SIM1: variants seen among roughly 807,000 people sequenced by gnomAD.
SIM1 encodes single-minded homolog 1.
A neutral mutation model predicts 78.2 loss-of-function variants in SIM1; 18 were observed. That is an observed-to-expected ratio of 0.23 (90% CI 0.16 to 0.34). The LOEUF is 0.34. Among genes scored for constraint, SIM1 ranks in the 10% least tolerant of loss-of-function variants. SIM1 has a pLI of 1.00. For synonymous variants in SIM1, 417 were observed against 385.2 expected, an observed-to-expected ratio of 1.08 and a Z score of -0.97; for missense variants, 939 against 975.1, an observed-to-expected ratio of 0.96 and a Z score of 0.49.
At chr6:100,418,211 G>T (rs2114500427) in intron 10 of SIM1, among the ~76,000 whole-genome samples, 1 of 151,796 alleles carries the variant, frequency 6.6e-6, no homozygotes, top group Middle Eastern at 3.4e-3. Context: ...AATTAATGGG[G>T]CACATTGTTG....
chr6:100,459,845 C>A (rs1210212187), intron 2 of SIM1, among the ~76,000 whole-genome samples: 1 of 152,202 alleles, frequency 6.6e-6, no homozygotes, highest in Non-Finnish European at 1.5e-5. Flanking sequence ...TGCTTTAGAG[C>A]TGGATAACAA....
intron 10 of SIM1, 38 bp downstream of exon 10, chr6:100,420,752 C>T: frequency 6.2e-7 from 1 of 1,604,220 alleles, no homozygotes; most frequent in African/African-American, 1.3e-5. Context: ...AACCATGTCG[C>T]CAAAAAAAAG....
chr6:100,420,835 C>G lies in SIM1; in HGVS notation c.1122G>C (p.Arg374=), dbSNP rs1445639627. Residue 374 remains arginine, a synonymous_variant, in exon 10 of 12, where the codon CGG becomes CGC. Transcript: ENST00000369208. ...MTDNRKGAKS[R]LSSSKSKSRT... ...TGGATTTTGACTTTGAGCTGGAGAG[C>G]CGGGATTTGGCCCCCTTTCTGTTGT... The G allele has an allele frequency of 1.2e-6, 2 of 1,614,064 alleles. No individual in the cohort carries two copies. The highest frequency in any genetic ancestry group is 3.3e-5 in the Admixed American group (2 of 59,996).
chr6:100,447,193 CCGTG>C, intron 9 of SIM1, 71 bp downstream of exon 9: 5 of 1,534,530 alleles, frequency 3.3e-6, no homozygotes, highest in Non-Finnish European at 4.4e-6. Flanking sequence ...TCTAACCCGG[CCGTG>C]CCGCCACCCG....
intron 10 of SIM1, among the ~76,000 whole-genome samples, chr6:100,397,303 A>G (rs887059166): frequency 6.6e-6 from 1 of 152,184 alleles, no homozygotes; most frequent in Non-Finnish European, 1.5e-5. Context: ...TAAGACCTAT[A>G]AGGTCATTAA....
intron 9 of SIM1, among the ~76,000 whole-genome samples, chr6:100,438,146 A>G (rs1772106575): frequency 6.6e-6 from 1 of 152,246 alleles, no homozygotes; most frequent in African/African-American, 2.4e-5. Flanking sequence ...CTGCGTTGCA[A>G]AAGAAACAAT....
chr6:100,419,952 T>G (rs2114502963), intron 10 of SIM1, among the ~76,000 whole-genome samples: 1 of 152,174 alleles, frequency 6.6e-6, no homozygotes, highest in South Asian at 2.1e-4. Flanking sequence ...CCAGTTTGGT[T>G]TTATACTAGC....
intron 9 of SIM1, among the ~76,000 whole-genome samples, chr6:100,431,379 T>C (rs1446912870): frequency 2.0e-5 from 3 of 152,228 alleles, no homozygotes; most frequent in Non-Finnish European, 4.4e-5. Context: ...CTTAAAGCCC[T>C]TACTACTGTA....
chr6:100,440,605 C>G (rs1772186946), intron 9 of SIM1, among the ~76,000 whole-genome samples: 1 of 152,208 alleles, frequency 6.6e-6, no homozygotes, highest in Non-Finnish European at 1.5e-5. Context: ...CTCCCTCAGG[C>G]AAGCCAGAAT....
Position 100,389,492 on chromosome 6 carries a change from G to A in SIM1, c.*869C>T, listed in dbSNP as rs1770582218. On this transcript the variant is annotated 3_prime_UTR_variant, in exon 12 of 12. Transcript: ENST00000369208. ...GGTTTTACAAGCAAACCCCAAATAT[G>A]TTGTTTACTTATGCTGAGCCCTTAA... 2.5e-6 allele frequency: 1 copy of A among 397,212 alleles called. No individual in the cohort carries two copies. The highest frequency in any genetic ancestry group is 6.3e-4 in the Middle Eastern group (1 of 1,584). 24.6% of individuals were successfully genotyped at this position (397,212 alleles called of 1,614,324 possible). A position where few individuals can be genotyped will look rare whatever the true frequency, so the allele number is the denominator to read the frequency against.
intron 10 of SIM1, among the ~76,000 whole-genome samples, chr6:100,408,107 G>T (rs1481492972): frequency 6.6e-6 from 1 of 151,974 alleles, no homozygotes; most frequent in Non-Finnish European, 1.5e-5. Context: ...AAACTATATA[G>T]TTTCAGGCCT....
intron 9 of SIM1, among the ~76,000 whole-genome samples, chr6:100,435,105 C>A (rs897295797): frequency 6.6e-6 from 1 of 152,098 alleles, no homozygotes; most frequent in Non-Finnish European, 1.5e-5. Context: ...AAGAGATGGG[C>A]TCAGGATATC....
chr6:100,457,771 T>C lies in SIM1; in HGVS notation c.176-3927A>G, dbSNP rs548176795. On this transcript the variant is annotated intron_variant, in intron 2 of 11. Transcript: ENST00000369208. ...GCTGCCCGCCCTGCCTGCGGCCCTC[T>C]CCGGCTAAGGAGCCTGTGTGGTTGA... is the stretch of plus-strand genomic sequence containing the variant. 1.1e-3 allele frequency among the ~76,000 whole-genome samples: 160 copies of C among 152,244 alleles called. 1 individual carries two copies. The highest frequency in any genetic ancestry group is 6.8e-3 in the Middle Eastern group (2 of 294).
chr6:100,434,852 C>T (rs538292819), intron 9 of SIM1, among the ~76,000 whole-genome samples: 26 of 152,196 alleles, frequency 1.7e-4, no homozygotes, highest in South Asian at 1.2e-3. Flanking sequence ...TTTACTGATG[C>T]GGATACAACA....
At chr6:100,455,110 A>C (rs539940335) in intron 2 of SIM1, among the ~76,000 whole-genome samples, 1 of 152,092 alleles carries the variant, frequency 6.6e-6, no homozygotes, top group Non-Finnish European at 1.5e-5. Context: ...TGGATTTTTT[A>C]AAAGGTGTTG....
chr6:100,449,407 C>T lies in SIM1; in HGVS notation c.499G>A (p.Val167Ile), dbSNP rs903236396. The T allele has an allele frequency of 1.9e-6, 3 of 1,614,126 alleles. No individual in the cohort carries two copies. Among genetic ancestry groups the T allele is most frequent in the East Asian group, 2.2e-5 (1 of 44,890 alleles). ...AGGCCGGCGTTACGCTTGGCCAAGA[C>T]GCACTTCATCCTCAGGAAGAAGGAG... ...ERSFFLRMKCVLAKRNAGLTC... is the reference protein window; with the variant it reads ...ERSFFLRMKCILAKRNAGLTC... Residue 167 changes from valine (V) to isoleucine (I), a missense_variant, in exon 6 of 12, where the codon GTC becomes ATC. Val to Ile is a conservative substitution (Grantham distance 29, BLOSUM62 3). Around this residue, in one of 5 missense-constraint regions of SIM1, gnomAD observed 187 missense variants for 191.6 expected, o/e 0.98. Coordinates refer to ENST00000369208, the MANE Select transcript of SIM1 (RefSeq NM_005068.3).
chr6:100,449,635 G>A lies in SIM1; in HGVS notation c.413C>T (p.Ala138Val). ...IHPADHDEMT[A>V]VLTAHQPYHS... Reference sequence around the variant, plus strand: ...GTAGGGTTGATGGGCGGTGAGCACCGCCGTCATCTCGTCGTGGTCTGCCGG... The same window carrying A: ...GTAGGGTTGATGGGCGGTGAGCACCACCGTCATCTCGTCGTGGTCTGCCGG... Residue 138 changes from alanine to valine, a missense_variant, in exon 5 of 12, where the codon GCG becomes GTG. Coordinates refer to ENST00000369208, the MANE Select transcript of SIM1 (RefSeq NM_005068.3). 6.2e-7 allele frequency: 1 copy of A among 1,614,134 alleles called. No individual in the cohort carries two copies. The highest frequency in any genetic ancestry group is 8.5e-7 in the Non-Finnish European group (1 of 1,180,028).
At chr6:100,395,277 T>C (rs1770741326) in intron 10 of SIM1, among the ~76,000 whole-genome samples, 1 of 152,198 alleles carries the variant, frequency 6.6e-6, no homozygotes, top group Non-Finnish European at 1.5e-5. Flanking sequence ...CATATACATT[T>C]TGTCATTTAA....
rs17060498 is a variant in SIM1 at position 100,394,130 on chromosome 6, A to G, written c.1168-241T>C. The G allele has an allele frequency of 8.3e-3, 3,510 of 422,614 alleles. 115 individuals carry two copies. Among genetic ancestry groups the G allele is most frequent in the African/African-American group, 0.064 (3,133 of 48,928 alleles). The allele number at this position is 422,614 out of a possible 1,614,324, so 26.2% of individuals were successfully genotyped here. Reference sequence around the variant, plus strand: ...TGGTTGATGAAAGCAGGAGATAAAGATAATAATGGCAACCATCGACTGAAG... The same window carrying G: ...TGGTTGATGAAAGCAGGAGATAAAGGTAATAATGGCAACCATCGACTGAAG... On this transcript the variant is annotated intron_variant, in intron 10 of 11. Coordinates refer to ENST00000369208, the MANE Select transcript of SIM1 (RefSeq NM_005068.3).
Sources: allele counts gnomAD v4.1 joint callset (sites outside exome capture counted in the v4.1 genomes callset), GRCh38; gene constraint gnomAD v4.1.1; regional missense constraint gnomAD v4.1.1; transcripts MANE v1.5; gene names NCBI Gene and HGNC (gene_info 2026-07-23, HGNC 2026-07-21).